PITPNM2: variants seen among roughly 807,000 people sequenced by gnomAD.
The protein encoded by PITPNM2 is membrane-associated phosphatidylinositol transfer protein 2.
In PITPNM2, 35 loss-of-function variants were observed where a neutral mutation model predicts 132.2. That is an observed-to-expected ratio of 0.26 (90% CI 0.20 to 0.35). The LOEUF is 0.35. PITPNM2 is among the 10% of genes least tolerant of loss of function. The pLI, the probability that PITPNM2 is intolerant of heterozygous loss-of-function variation, is 1.00. For missense variants in PITPNM2, 1,332 were observed against 1,912.0 expected, an observed-to-expected ratio of 0.70 and a Z score of 5.66; for synonymous variants, 738 against 799.2, an observed-to-expected ratio of 0.92 and a Z score of 1.29.
At chr12:123,063,097 A>G (rs1318086587) in intron 2 of PITPNM2, among the ~76,000 whole-genome samples, 5 of 152,272 alleles carry the variant, frequency 3.3e-5, no homozygotes, top group African/African-American at 4.8e-5. Flanking sequence ...CTGCTGACGG[A>G]ACCTGTGTTG....
intron 2 of PITPNM2, among the ~76,000 whole-genome samples, chr12:123,065,525 A>G (rs753052897): frequency 5.3e-5 from 8 of 152,250 alleles, no homozygotes; most frequent in Non-Finnish European, 1.2e-4. Context: ...CTGTGGGAGC[A>G]GCTGACACAC....
At chr12:123,137,726 C>T (rs1183386077) in intron 1 of PITPNM2, among the ~76,000 whole-genome samples, 1 of 151,906 alleles carries the variant, frequency 6.6e-6, no homozygotes, top group African/African-American at 2.4e-5. Flanking sequence ...AACCCCATCT[C>T]TACTAAAAAT....
At chr12:123,118,312 C>T (rs2042968215) in intron 1 of PITPNM2, among the ~76,000 whole-genome samples, 1 of 152,246 alleles carries the variant, frequency 6.6e-6, no homozygotes, top group Non-Finnish European at 1.5e-5. Context: ...ATGATGGGAA[C>T]CTGCTCAAGC....
intron 2 of PITPNM2, among the ~76,000 whole-genome samples, chr12:123,038,263 T>A (rs1355896803): frequency 6.6e-6 from 1 of 152,234 alleles, no homozygotes; most frequent in Non-Finnish European, 1.5e-5. Flanking sequence ...TAAATCGTTC[T>A]ATATCTTACA....
At chr12:123,017,485 C>T (rs904423974) in intron 3 of PITPNM2, among the ~76,000 whole-genome samples, 2 of 152,074 alleles carry the variant, frequency 1.3e-5, no homozygotes, top group Non-Finnish European at 2.9e-5. Context: ...GAGACTTGAA[C>T]AGATACTTGT....
chr12:123,049,137 AACACACAC>A (rs35784732), intron 2 of PITPNM2, among the ~76,000 whole-genome samples: 1 of 146,778 alleles, frequency 6.8e-6, no homozygotes, highest in East Asian at 2.0e-4. Flanking sequence ...CTGTCTCTAA[AACACACAC>A]ACACACACAC....
At chr12:123,149,187 C>T (rs2043678532) in intron 1 of PITPNM2, among the ~76,000 whole-genome samples, 1 of 152,190 alleles carries the variant, frequency 6.6e-6, no homozygotes, top group Non-Finnish European at 1.5e-5. Flanking sequence ...CTCTCGACTC[C>T]CGCAGTCCAC....
rs576986434 is a variant in PITPNM2, at chr12:123,007,518, A to G, written c.644-1970T>C. The stretch of plus-strand genomic sequence containing the variant: ...AGCAGTTGGGCCACGCCAGGCTCCC[A>G]GGCTGGTCTCCTGTGTACCCTCTTT... On this transcript the variant is annotated intron_variant, in intron 6 of 25. Coordinates refer to ENST00000320201, the MANE Select transcript of PITPNM2 (RefSeq NM_020845.3). 5.3e-5 allele frequency: 22 copies of G among 412,858 alleles called. No individual in the cohort carries two copies. In the East Asian group the frequency reaches 1.7e-3, roughly 32 times the overall value. The allele number at this position is 412,858 out of a possible 1,614,324, so 25.6% of individuals were successfully genotyped here. A position where few individuals can be genotyped will look rare whatever the true frequency, so the allele number is the denominator to read the frequency against.
rs370304707 is a variant in PITPNM2, at chr12:122,997,577, A to G, written c.1225-5T>C. 296 of 1,609,480 alleles carry G rather than the reference A, an allele frequency of 1.8e-4. No individual in the cohort carries two copies. In the African/African-American group the frequency reaches 3.5e-3, roughly 19 times the overall value. On this transcript the variant is annotated splice_polypyrimidine_tract_variant and splice_region_variant and intron_variant, in intron 10 of 25. Transcript: ENST00000320201. ...CAGCGGCTGGCTAACCTCGTCCTGCATGGGTTGGGGGACAGTGTCAGCTCC... is the reference window on the plus strand; with the variant it reads ...CAGCGGCTGGCTAACCTCGTCCTGCGTGGGTTGGGGGACAGTGTCAGCTCC...
At chr12:123,102,474 G>A (rs1180508828) in intron 2 of PITPNM2, among the ~76,000 whole-genome samples, 1 of 152,202 alleles carries the variant, frequency 6.6e-6, no homozygotes, top group East Asian at 1.9e-4. Flanking sequence ...GGACGATGAA[G>A]TTAAAAAACT....
At chr12:123,051,498 C>G (rs1424568388) in intron 2 of PITPNM2, among the ~76,000 whole-genome samples, 12 of 152,210 alleles carry the variant, frequency 7.9e-5, no homozygotes, top group African/African-American at 2.9e-4. Flanking sequence ...TTCAAATCTG[C>G]TTCATCATTC....
At position 123,106,441 on chromosome 12, in the gene PITPNM2, A is replaced by G. The variant is rs1380427236; in HGVS notation, c.-96+3944T>C. Among the ~76,000 whole-genome samples, 1 of 152,134 alleles carries G rather than the reference A, an allele frequency of 6.6e-6. No individual in the cohort carries two copies. The highest frequency in any genetic ancestry group is 1.9e-4 in the East Asian group (1 of 5,194). On this transcript the variant is annotated intron_variant, in intron 2 of 25. Coordinates refer to ENST00000320201, the MANE Select transcript of PITPNM2 (RefSeq NM_020845.3). This position sits in a 1 kb window ranked among gnomAD's most constrained non-coding sequence, Gnocchi z 4.4. Reference sequence around the variant, plus strand: ...AAAAAACAGGAAGAAAAGAAAGTACATTCTCAGGAAGACATGCTGCATCAG... The same window carrying G: ...AAAAAACAGGAAGAAAAGAAAGTACGTTCTCAGGAAGACATGCTGCATCAG...
Position 122,987,402 on chromosome 12 carries a change from T to C in PITPNM2, c.3292A>G (p.Ile1098Val). 1 of 1,613,846 alleles carries C rather than the reference T, an allele frequency of 6.2e-7. No homozygotes were observed. The highest frequency in any genetic ancestry group is 1.1e-5 in the South Asian group (1 of 91,082). Residue 1098 changes from isoleucine (I) to valine (V), a missense_variant, in exon 23 of 26, where the codon ATC (isoleucine) becomes GTC (valine). By Grantham distance (29) the Ile-to-Val change is conservative. This residue lies in a region of PITPNM2 where 251 missense variants were observed against 472.0 expected (regional missense o/e 0.53). Coordinates refer to ENST00000320201, the MANE Select transcript of PITPNM2 (RefSeq NM_020845.3). ...RGDHTFADSY[I>V]TVLPKGTEFV... ...TCTGTGCCCTTGGGCAGCACGGTGA[T>C]GTAGCTGTCGGCAAACGTGTGGTCT...
chr12:122,991,678 C>T, intron 16 of PITPNM2: 1 of 1,265,068 alleles, frequency 7.9e-7, no homozygotes, highest in Non-Finnish European at 1.0e-6. Context: ...CCAAGGAGGG[C>T]ATGGATTGGG....
At chr12:123,060,425 G>C (rs2041196375) in intron 2 of PITPNM2, among the ~76,000 whole-genome samples, 1 of 152,118 alleles carries the variant, frequency 6.6e-6, no homozygotes, top group African/African-American at 2.4e-5. Context: ...CCTAACTCAA[G>C]AGCCACCTTG....
At chr12:123,122,831 A>G (rs149481139) in intron 1 of PITPNM2, among the ~76,000 whole-genome samples, 2 of 152,366 alleles carry the variant, frequency 1.3e-5, no homozygotes, top group Non-Finnish European at 2.9e-5. Flanking sequence ...GCTCTCACAC[A>G]GAAGGAGTTT....
chr12:123,007,559 T>G, intron 6 of PITPNM2: 1 of 345,350 alleles, frequency 2.9e-6, no homozygotes, highest in Admixed American at 4.1e-5. Context: ...CCTCCTCACT[T>G]CCCACCCCTG....
At chr12:123,149,403 G>C (rs1249961996) in intron 1 of PITPNM2, among the ~76,000 whole-genome samples, 5 of 152,214 alleles carry the variant, frequency 3.3e-5, no homozygotes, top group Non-Finnish European at 7.3e-5. Flanking sequence ...TCTGCAGTGG[G>C]AGAGGGCTGG....
At chr12:123,115,719 G>A (rs906076868) in intron 1 of PITPNM2, among the ~76,000 whole-genome samples, 3 of 151,948 alleles carry the variant, frequency 2.0e-5, no homozygotes, top group Non-Finnish European at 4.4e-5. Context: ...CTAATACTAT[G>A]AGGGAGAGGC....
Sources: gnomAD v4.1 joint callset for allele counts (sites outside exome capture counted in the v4.1 genomes callset) on GRCh38, gnomAD v4.1.1 for gene constraint, gnomAD v4.1.1 regional missense constraint, Gnocchi (gnomAD v3.1) non-coding constraint, MANE v1.5 for transcripts, NCBI Gene and HGNC (gene_info 2026-07-23, HGNC 2026-07-21) for gene names.